Variants in RUNX1 observed in about 807,000 individuals in gnomAD.
The protein encoded by RUNX1 is RUNX family transcription factor 1.
In RUNX1, 19 loss-of-function variants were observed where a neutral mutation model predicts 42.8. The observed-to-expected ratio is 0.44, with a 90% CI of 0.31 to 0.65. RUNX1 has a LOEUF of 0.65. Among genes scored for constraint, RUNX1 ranks in the 30% least tolerant of loss-of-function variants. The pLI, the probability that RUNX1 is intolerant of heterozygous loss-of-function variation, is 0.07. For missense variants in RUNX1, 528 were observed against 672.0 expected, an observed-to-expected ratio of 0.79 and a Z score of 2.37; for synonymous variants, 271 against 289.4, an observed-to-expected ratio of 0.94 and a Z score of 0.64.
intron 2 of RUNX1, among the ~76,000 whole-genome samples, chr21:34,937,727 T>C (rs552932844): frequency 3.3e-4 from 50 of 150,970 alleles, no homozygotes; most frequent in Non-Finnish European, 6.2e-4. Context: ...AAAGAAAAGA[T>C]ACAATACCCT....
At chr21:35,001,439 C>T (rs976199859) in intron 2 of RUNX1, among the ~76,000 whole-genome samples, 3 of 151,358 alleles carry the variant, frequency 2.0e-5, no homozygotes, top group Non-Finnish European at 2.9e-5. Context: ...TTCATTTTTC[C>T]CAAAACTTTT....
At chr21:34,840,257 G>T (rs886712100) in intron 6 of RUNX1, among the ~76,000 whole-genome samples, 43 of 152,214 alleles carry the variant, frequency 2.8e-4, no homozygotes, top group African/African-American at 1.0e-3. Flanking sequence ...AGTTCTCTGA[G>T]TGCCCACAGG....
intron 5 of RUNX1, among the ~76,000 whole-genome samples, chr21:34,874,338 G>A (rs900242616): frequency 6.6e-6 from 1 of 151,788 alleles, no homozygotes; most frequent in African/African-American, 2.4e-5. Flanking sequence ...GGCCAGGTAC[G>A]GTGGCTCACG....
intron 2 of RUNX1, among the ~76,000 whole-genome samples, chr21:34,988,263 A>G (rs2058907319): frequency 6.6e-6 from 1 of 152,152 alleles, no homozygotes; most frequent in Admixed American, 6.5e-5. Context: ...TTGTATCTGC[A>G]AAGGACTTGT....
At chr21:34,882,315 T>C (rs2057916999) in intron 4 of RUNX1, among the ~76,000 whole-genome samples, 1 of 152,208 alleles carries the variant, frequency 6.6e-6, no homozygotes, top group Admixed American at 6.5e-5. Context: ...TCAGTCCTTG[T>C]GGCACAGAAC....
intron 2 of RUNX1, among the ~76,000 whole-genome samples, chr21:35,048,168 C>T (rs577358398): frequency 1.3e-5 from 2 of 152,342 alleles, no homozygotes; most frequent in Admixed American, 6.5e-5. Flanking sequence ...AATTTGCTTC[C>T]TTTCTCTCTT....
At chr21:35,003,290 G>A (rs1216992240) in intron 2 of RUNX1, among the ~76,000 whole-genome samples, 6 of 152,166 alleles carry the variant, frequency 3.9e-5, no homozygotes, top group Admixed American at 3.3e-4. Context: ...CTTGACTTTG[G>A]CTGGGTGAGA....
chr21:34,806,232 A>T (rs1341761443), intron 7 of RUNX1, among the ~76,000 whole-genome samples: 1 of 152,240 alleles, frequency 6.6e-6, no homozygotes, highest in East Asian at 1.9e-4. Context: ...CATATTGTCT[A>T]CAAGGGACCT....
chr21:34,889,704 C>T (rs1422425205), intron 3 of RUNX1: 3 of 1,172,796 alleles, frequency 2.6e-6, no homozygotes, highest in South Asian at 1.9e-5. Context: ...GCGGCCGCTT[C>T]CCCCTGCGCC....
At chr21:34,995,708 T>C (rs1287656171) in intron 2 of RUNX1, among the ~76,000 whole-genome samples, 3 of 152,228 alleles carry the variant, frequency 2.0e-5, no homozygotes, top group Non-Finnish European at 4.4e-5. Context: ...CCCAAAGTGC[T>C]GGGATTATAG....
intron 6 of RUNX1, among the ~76,000 whole-genome samples, chr21:34,850,207 T>A (rs576964365): frequency 6.6e-6 from 1 of 152,344 alleles, no homozygotes; most frequent in East Asian, 1.9e-4. Context: ...ATCTGAAAGC[T>A]GTGGGTCCAT....
chr21:35,035,509 T>C (rs1190773156), intron 2 of RUNX1, among the ~76,000 whole-genome samples: 3 of 152,224 alleles, frequency 2.0e-5, no homozygotes, highest in Non-Finnish European at 4.4e-5. Flanking sequence ...TTGCTTCATT[T>C]TATTTTTTAT....
At chr21:34,914,150 A>T (rs1168442101) in intron 2 of RUNX1, among the ~76,000 whole-genome samples, 1 of 152,204 alleles carries the variant, frequency 6.6e-6, no homozygotes, top group Non-Finnish European at 1.5e-5. Flanking sequence ...GGAGGCAAAT[A>T]TGAGCTTTGT....
intron 3 of RUNX1, among the ~76,000 whole-genome samples, chr21:34,890,435 A>T (rs1569088720): frequency 6.6e-6 from 1 of 151,740 alleles, no homozygotes; most frequent in Non-Finnish European, 1.5e-5. Context: ...CCAGGTGGGG[A>T]CTCTCGGACC....
chr21:34,854,499 C>T (rs117528518), intron 6 of RUNX1, among the ~76,000 whole-genome samples: 3,908 of 151,452 alleles, frequency 0.026, 69 homozygotes, highest in African/African-American at 0.048. Flanking sequence ...GCAGGAGACT[C>T]GCTAGAACCT....
intron 2 of RUNX1, among the ~76,000 whole-genome samples, chr21:34,895,879 T>C (rs1035138022): frequency 1.3e-5 from 2 of 151,980 alleles, no homozygotes; most frequent in Non-Finnish European, 2.9e-5. Flanking sequence ...GAAAAATAAG[T>C]CTGTCAACAA....
At chr21:34,889,714 C>T (rs977091323) in intron 3 of RUNX1, 2 of 1,186,648 alleles carry the variant, frequency 1.7e-6, no homozygotes, top group South Asian at 1.8e-5. Flanking sequence ...CCCCCTGCGC[C>T]GGTCCCCGCG....
intron 7 of RUNX1, among the ~76,000 whole-genome samples, chr21:34,826,657 C>G (rs1287049054): frequency 1.3e-5 from 2 of 151,832 alleles, no homozygotes; most frequent in Non-Finnish European, 2.9e-5. Context: ...GTTGGCCAGC[C>G]TGCTCTCGAA....
chr21:34,902,351 A>G (rs7283379), intron 2 of RUNX1, among the ~76,000 whole-genome samples: 39,053 of 152,082 alleles, frequency 0.26, 5,514 homozygotes, highest in African/African-American at 0.36. Context: ...AGGTAGGTCT[A>G]TGTTAGACCT....
Sources: allele counts gnomAD v4.1 joint callset (sites outside exome capture counted in the v4.1 genomes callset), GRCh38; gene constraint gnomAD v4.1.1; transcripts MANE v1.5; gene names NCBI Gene and HGNC (gene_info 2026-07-23, HGNC 2026-07-21).